PHC3: variants seen among roughly 807,000 people sequenced by gnomAD.
The protein encoded by PHC3 is polyhomeotic-like protein 3.
PHC3 carries 13 observed loss-of-function variants against 107.4 expected under a neutral mutation model. The observed-to-expected ratio is 0.12, with a 90% CI of 0.08 to 0.19. The LOEUF (loss-of-function observed/expected upper bound fraction) is 0.19. Ranked by LOEUF, PHC3 falls within the 10% of genes least tolerant of loss-of-function variation. PHC3 has a pLI of 1.00. For missense variants in PHC3, 992 were observed against 1,210.9 expected, an observed-to-expected ratio of 0.82 and a Z score of 2.68; for synonymous variants, 456 against 427.4, an observed-to-expected ratio of 1.07 and a Z score of -0.83.
chr3:170,175,844 G>C (rs1194974992), intron 2 of PHC3, among the ~76,000 whole-genome samples: 2 of 149,386 alleles, frequency 1.3e-5, no homozygotes, highest in Non-Finnish European at 3.0e-5. Flanking sequence ...GAATCGCTTG[G>C]ACCAGGGAGG....
At position 170,178,755 on chromosome 3, in the gene PHC3, T is replaced by C; in HGVS notation, c.180+18A>G. 1 of 1,612,810 alleles carries C rather than the reference T, an allele frequency of 6.2e-7. No individual in the cohort carries two copies. Among genetic ancestry groups the C allele is most frequent in the Non-Finnish European group, 8.5e-7 (1 of 1,178,810 alleles). On this transcript the variant is annotated intron_variant, in intron 2 of 14. Coordinates refer to ENST00000495893, the MANE Select transcript of PHC3 (RefSeq NM_024947.4). ...GACATCTTAAGTCTTAGACTACCCA[T>C]CACTACAGCTGAAATACCTGTACAG...
Position 170,091,776 on chromosome 3 carries a change from T to C in PHC3, c.*5454A>G, listed in dbSNP as rs1714111273. On this transcript the variant is annotated 3_prime_UTR_variant, in exon 15 of 15. Transcript: ENST00000495893. ...ATTATTTGTATTAATGCTTTACAAC[T>C]TTCAAAAAAAAGCTTTCTCATAGTA... 1.4e-5 allele frequency: 2 copies of C among 138,640 alleles called. No homozygotes were observed. Among genetic ancestry groups the C allele is most frequent in the South Asian group, 2.4e-4 (1 of 4,158 alleles). The allele number at this position is 138,640 out of a possible 1,614,324, so 8.6% of individuals were successfully genotyped here.
At position 170,172,487 on chromosome 3, in the gene PHC3, C is replaced by G. The variant is rs143999230; in HGVS notation, c.336+70G>C. The G allele has an allele frequency of 2.3e-3, 3,425 of 1,497,122 alleles. 67 individuals carry two copies. In the African/African-American group the frequency reaches 0.042, roughly 18 times the overall value. The allele number at this position is 1,497,122 out of a possible 1,614,324, so 92.7% of individuals were successfully genotyped here. On this transcript the variant is annotated intron_variant, in intron 3 of 14. Coordinates refer to ENST00000495893, the MANE Select transcript of PHC3 (RefSeq NM_024947.4). ...TGAGAACTCTGAAATAATACCCAAT[C>G]TATTTATTTTCAGTAACTACCTACA...
intron 2 of PHC3, among the ~76,000 whole-genome samples, chr3:170,175,951 G>C (rs1264501688): frequency 1.3e-5 from 2 of 149,596 alleles, no homozygotes; most frequent in African/African-American, 4.9e-5. Flanking sequence ...AACCCGGCCG[G>C]GCACGGTAGC....
At chr3:170,128,330 G>A in intron 8 of PHC3, 1 of 1,265,100 alleles carries the variant, frequency 7.9e-7, no homozygotes, top group Non-Finnish European at 1.0e-6. Flanking sequence ...GATCTATGAA[G>A]GATAATCACC....
chr3:170,104,873 C>G (rs1242334569), intron 12 of PHC3, among the ~76,000 whole-genome samples: 3 of 152,124 alleles, frequency 2.0e-5, no homozygotes. Context: ...CCATTTATAT[C>G]AACTGATAAA....
At chr3:170,110,990 G>A (rs967696481) in intron 11 of PHC3, among the ~76,000 whole-genome samples, 3 of 152,042 alleles carry the variant, frequency 2.0e-5, no homozygotes, top group African/African-American at 4.8e-5. Flanking sequence ...AATAGTATGT[G>A]CAATTAAAAG....
Position 170,122,603 on chromosome 3 carries a change from G to A in PHC3, c.1930C>T (p.His644Tyr). The A allele has an allele frequency of 6.2e-7, 1 of 1,613,918 alleles. No individual in the cohort carries two copies. The highest frequency in any genetic ancestry group is 8.5e-7 in the Non-Finnish European group (1 of 1,179,838). Residue 644 changes from histidine (H) to tyrosine (Y), a missense_variant, in exon 9 of 15, where the codon CAT (histidine) becomes TAT (tyrosine). Transcript: ENST00000495893. Reference sequence around the variant, plus strand: ...GGTATTTTCTCACCTAACAAAGGATGTTCAGAAGTCAAATCTTCTCCTCTC... The same window carrying A: ...GGTATTTTCTCACCTAACAAAGGATATTCAGAAGTCAAATCTTCTCCTCTC... ...VGRGEDLTSE[H>Y]PLLEQVELPA...
chr3:170,131,766 G>T (rs1297835573), intron 7 of PHC3, among the ~76,000 whole-genome samples: 1 of 152,164 alleles, frequency 6.6e-6, no homozygotes, highest in Non-Finnish European at 1.5e-5. Context: ...GAACTCGGGA[G>T]GCGGAAGTTG....
At position 170,095,789 on chromosome 3, in the gene PHC3, G is replaced by A. The variant is rs1163889786; in HGVS notation, c.*1441C>T. On this transcript the variant is annotated 3_prime_UTR_variant, in exon 15 of 15. Transcript: ENST00000495893. ...GGCTTCCACAAACAATTTTGTTTTA[G>A]TGTCATAATTCTATAGAACACTGTT... The A allele has an allele frequency of 6.6e-6, 1 of 152,254 alleles. No homozygotes were observed. The highest frequency in any genetic ancestry group is 1.9e-4 in the East Asian group (1 of 5,194). 9.4% of individuals were successfully genotyped at this position (152,254 alleles called of 1,614,324 possible). A position where few individuals can be genotyped will look rare whatever the true frequency, so the allele number is the denominator to read the frequency against.
intron 10 of PHC3, among the ~76,000 whole-genome samples, chr3:170,114,452 TG>T (rs769459860): frequency 1.3e-5 from 2 of 152,236 alleles, no homozygotes; most frequent in Admixed American, 6.5e-5. Flanking sequence ...AATTATTGGA[TG>T]TATTTTCTGG....
At position 170,149,089 on chromosome 3, in the gene PHC3, T is replaced by A; in HGVS notation, c.570A>T (p.Gln190His). 6.2e-7 allele frequency: 1 copy of A among 1,612,326 alleles called. No homozygotes were observed. Among genetic ancestry groups the A allele is most frequent in the Non-Finnish European group, 8.5e-7 (1 of 1,179,414 alleles). ...AATTTGGTAGCTCATATCTTACCAT[T>A]TGAGCTCGGAGATACATTTGAGCTT... ...ASQAQMYLRA[Q>H]MLIFTPATTV... The change falls in exon 5 of 15, where the codon CAA becomes CAT. Residue 190 changes from glutamine to histidine, a missense_variant. Physicochemically the swap from Gln to His is conservative, Grantham distance 24. Around this residue, in one of 6 missense-constraint regions of PHC3, gnomAD observed 35 missense variants for 73.6 expected, o/e 0.48. Coordinates refer to ENST00000495893, the MANE Select transcript of PHC3 (RefSeq NM_024947.4).
intron 8 of PHC3, chr3:170,126,043 A>G: frequency 1.3e-6 from 1 of 781,688 alleles, no homozygotes; most frequent in Non-Finnish European, 1.6e-6. Context: ...TAAATTATCT[A>G]CCCTCAACAT....
At position 170,096,190 on chromosome 3, in the gene PHC3, T is replaced by C. The variant is rs1714622125; in HGVS notation, c.*1040A>G. The C allele has an allele frequency of 8.3e-6, 1 of 120,040 alleles. No individual in the cohort carries two copies. The highest frequency in any genetic ancestry group is 2.3e-4 in the South Asian group (1 of 4,362). The allele number at this position is 120,040 out of a possible 1,614,324, so 7.4% of individuals were successfully genotyped here. On this transcript the variant is annotated 3_prime_UTR_variant, in exon 15 of 15. Transcript: ENST00000495893. ...TTATTTTATAGGACAATTTGTAGATTTTTTTTCTTTTTCTAGTATGATTAA... is the reference window on the plus strand; with the variant it reads ...TTATTTTATAGGACAATTTGTAGATCTTTTTTCTTTTTCTAGTATGATTAA...
chr3:170,116,942 G>T (rs968257848), intron 10 of PHC3, among the ~76,000 whole-genome samples: 3 of 151,706 alleles, frequency 2.0e-5, no homozygotes, highest in African/African-American at 7.3e-5. Flanking sequence ...TATAAAAGTT[G>T]ATTTCACTGA....
Position 170,148,892 on chromosome 3 carries a change from CAAG to C in PHC3, c.573+191_573+193del, listed in dbSNP as rs1725444637. The C allele has an allele frequency of 7.8e-6, 4 of 509,818 alleles. No individual in the cohort carries two copies. The South Asian group carries it at 1.3e-4, about 17-fold the overall frequency. 31.6% of individuals were successfully genotyped at this position (509,818 alleles called of 1,614,324 possible). ...CAATGTAATAATTACTATTTGATAC[CAAG>C]AAGACCTATTAATTAAAAGTAGAAT... is the stretch of plus-strand genomic sequence containing the variant. On this transcript the variant is annotated intron_variant, in intron 5 of 14. Transcript: ENST00000495893.
intron 14 of PHC3, chr3:170,102,123 T>A (rs558886412): frequency 1.3e-5 from 13 of 979,044 alleles, no homozygotes; most frequent in East Asian, 1.1e-4. Flanking sequence ...AGGAATAGAA[T>A]AGAAAAATAG....
At chr3:170,117,772 T>A (rs1470502383) in intron 9 of PHC3, among the ~76,000 whole-genome samples, 4 of 148,778 alleles carry the variant, frequency 2.7e-5, no homozygotes, top group Non-Finnish European at 1.5e-5. Flanking sequence ...TCAAGGTGGG[T>A]GGATCACCTG....
chr3:170,137,181 G>C (rs1013834830), intron 6 of PHC3, among the ~76,000 whole-genome samples: 12 of 152,150 alleles, frequency 7.9e-5, no homozygotes, highest in Non-Finnish European at 1.3e-4. Flanking sequence ...ATTATGAAAA[G>C]CATTTTCAAG....
Sources: allele counts gnomAD v4.1 joint callset (sites outside exome capture counted in the v4.1 genomes callset), GRCh38; gene constraint gnomAD v4.1.1; regional missense constraint gnomAD v4.1.1; transcripts MANE v1.5; gene names NCBI Gene and HGNC (gene_info 2026-07-23, HGNC 2026-07-21).